EPHX2: variants seen among roughly 807,000 people sequenced by gnomAD.
The protein encoded by EPHX2 is epoxide hydrolase 2, also known as bifunctional epoxide hydrolase 2.
A neutral mutation model predicts 78.7 loss-of-function variants in EPHX2; 74 were observed. That is an observed-to-expected ratio of 0.94 (90% CI 0.78 to 1.14). The LOEUF is 1.14. Ranked by LOEUF, EPHX2 falls within the 50% of genes most tolerant of loss-of-function variation. EPHX2 has a pLI of 0.00. For missense variants in EPHX2, 715 were observed against 702.5 expected, an observed-to-expected ratio of 1.02 and a Z score of -0.20; for synonymous variants, 251 against 255.2, an observed-to-expected ratio of 0.98 and a Z score of 0.16.
At chr8:27,510,082 C>T (rs1026738463) in intron 5 of EPHX2, among the ~76,000 whole-genome samples, 1 of 152,216 alleles carries the variant, frequency 6.6e-6, no homozygotes, top group African/African-American at 2.4e-5. Context: ...CTGTCTTCTC[C>T]AGATGCCATG....
At chr8:27,516,869 A>G (rs745577954) in intron 8 of EPHX2, among the ~76,000 whole-genome samples, 2 of 151,338 alleles carry the variant, frequency 1.3e-5, no homozygotes, top group Non-Finnish European at 2.9e-5. Context: ...ACTTAGCATA[A>G]TGTCCTGAAG....
intron 1 of EPHX2, among the ~76,000 whole-genome samples, chr8:27,495,966 C>T (rs964688606): frequency 6.6e-6 from 1 of 152,140 alleles, no homozygotes; most frequent in African/African-American, 2.4e-5. Context: ...TCTGGGTCTC[C>T]TTGATTAGAG....
At chr8:27,515,155 G>C (rs2132743664) in intron 6 of EPHX2, among the ~76,000 whole-genome samples, 1 of 152,176 alleles carries the variant, frequency 6.6e-6, no homozygotes, top group East Asian at 1.9e-4. Context: ...GAAGTGCTGT[G>C]GCAGGGAACT....
intron 12 of EPHX2, among the ~76,000 whole-genome samples, chr8:27,527,309 A>G (rs1814880741): frequency 6.6e-6 from 1 of 151,964 alleles, no homozygotes; most frequent in Non-Finnish European, 1.5e-5. Context: ...GGTGATCCAC[A>G]TGCCTCGGCC....
At chr8:27,512,100 G>GAAAAA in intron 6 of EPHX2, 190 bp downstream of exon 6, 3 of 136,006 alleles carry the variant, frequency 2.2e-5, no homozygotes, top group South Asian at 2.4e-4. Context: ...CCTGTCTCAA[G>GAAAAA]AAAAAAAAAA....
intron 16 of EPHX2, among the ~76,000 whole-genome samples, chr8:27,542,287 C>T (rs1410986950): frequency 2.0e-5 from 3 of 152,110 alleles, no homozygotes; most frequent in African/African-American, 4.8e-5. Flanking sequence ...TATATAACAT[C>T]GTGGTTAAGA....
At chr8:27,504,827 T>C in intron 3 of EPHX2, 129 bp from the exon 4 acceptor site, 1 of 896,190 alleles carries the variant, frequency 1.1e-6, no homozygotes. Flanking sequence ...CAGTTGAAAG[T>C]TGGGCATAAG....
chr8:27,521,290 A>G (rs1395907095), intron 10 of EPHX2, among the ~76,000 whole-genome samples: 2 of 152,228 alleles, frequency 1.3e-5, no homozygotes, highest in Admixed American at 1.3e-4. Flanking sequence ...TGACATTGTC[A>G]TGAATGTCAA....
intron 12 of EPHX2, among the ~76,000 whole-genome samples, chr8:27,526,693 C>T (rs558238423): frequency 6.6e-6 from 1 of 152,242 alleles, no homozygotes; most frequent in African/African-American, 2.4e-5. Context: ...TGAGGCCTCT[C>T]TCCTTGGCTT....
At chr8:27,507,571 G>A (rs986041044) in intron 5 of EPHX2, among the ~76,000 whole-genome samples, 1 of 152,184 alleles carries the variant, frequency 6.6e-6, no homozygotes, top group Non-Finnish European at 1.5e-5. Context: ...CAGAAGTGCA[G>A]CACCCTCATC....
rs745587412 is a variant in EPHX2, at chr8:27,544,237, A to G, written c.1582A>G (p.Met528Val). ...TGAGGACTGTGGGCACTGGACACAG[A>G]TGGACAAGTAAGGAGGTTGGGGGCT... is the stretch of plus-strand genomic sequence containing the variant. ...HIEDCGHWTQ[M>V]DKPTEVNQIL... The change falls in exon 18 of 19, where the codon ATG becomes GTG. Residue 528 changes from methionine (M) to valine (V), a missense_variant. Physicochemically the swap from Met to Val is conservative, Grantham distance 21. Transcript: ENST00000521400. The G allele has an allele frequency of 4.3e-6, 7 of 1,614,032 alleles. No individual in the cohort carries two copies. Among genetic ancestry groups the G allele is most frequent in the Middle Eastern group, 1.6e-4 (1 of 6,084 alleles).
intron 16 of EPHX2, 143 bp downstream of exon 16, chr8:27,541,685 A>G: frequency 1.2e-6 from 1 of 809,036 alleles, no homozygotes; most frequent in South Asian, 1.6e-5. Flanking sequence ...GGGGTTTGGG[A>G]AGTGACTCCC....
intron 9 of EPHX2, 73 bp from the exon 10 acceptor site, chr8:27,520,810 G>T: frequency 6.3e-7 from 1 of 1,590,552 alleles, no homozygotes; most frequent in Non-Finnish European, 8.6e-7. Flanking sequence ...GGAGGACGCA[G>T]TTCAGCCCAT....
At position 27,540,585 on chromosome 8, in the gene EPHX2, C is replaced by T; in HGVS notation, c.1308C>T (p.Pro436=). 1 of 1,614,160 alleles carries T rather than the reference C, an allele frequency of 6.2e-7. No homozygotes were observed. The highest frequency in any genetic ancestry group is 8.5e-7 in the Non-Finnish European group (1 of 1,180,016). The change falls in exon 15 of 19, where the codon CCC becomes CCT. Residue 436 remains proline, a synonymous_variant. Coordinates refer to ENST00000521400, the MANE Select transcript of EPHX2 (RefSeq NM_001979.6). ...TTTTTGTAAATAGCCCAGAAGAGCC[C>T]AGCCTCAGCAGGATGGTCACTGAGG... ...GGLFVNSPEE[P]SLSRMVTEEE... is the part of the protein sequence containing the mutation.
chr8:27,522,151 G>A (rs901932502), intron 10 of EPHX2, among the ~76,000 whole-genome samples: 2 of 151,912 alleles, frequency 1.3e-5, no homozygotes, highest in African/African-American at 2.4e-5. Context: ...AGAAAAGAAC[G>A]AAAGAAAATT....
At position 27,515,825 on chromosome 8, in the gene EPHX2, G is replaced by A. The variant is rs2132745210; in HGVS notation, c.831+12G>A. ...CTTGGAGGTACCAGGTGAGAAAGCT[G>A]GGGAAGATGCAGCCAGTCAGGGTGA... On this transcript the variant is annotated intron_variant, in intron 7 of 18. Coordinates refer to ENST00000521400, the MANE Select transcript of EPHX2 (RefSeq NM_001979.6). 1 of 1,611,504 alleles carries A rather than the reference G, an allele frequency of 6.2e-7. No homozygotes were observed. The highest frequency in any genetic ancestry group is 8.5e-7 in the Non-Finnish European group (1 of 1,177,968).
chr8:27,535,811 A>C (rs962366229), intron 12 of EPHX2, among the ~76,000 whole-genome samples: 1 of 152,098 alleles, frequency 6.6e-6, no homozygotes, highest in Admixed American at 6.5e-5. Flanking sequence ...CTCCAGTAGG[A>C]ATCTCCTCCC....
chr8:27,499,277 A>G (rs1335679995), intron 1 of EPHX2, among the ~76,000 whole-genome samples: 1 of 152,228 alleles, frequency 6.6e-6, no homozygotes, highest in Non-Finnish European at 1.5e-5. Flanking sequence ...AAATTTCAAC[A>G]TGAGCTTCAG....
chr8:27,529,048 G>A (rs1034376631), intron 12 of EPHX2, among the ~76,000 whole-genome samples: 6 of 152,052 alleles, frequency 3.9e-5, no homozygotes, highest in East Asian at 1.9e-4. Context: ...CATCCTCCTC[G>A]GCTTCCCAAA....
Sources: gnomAD v4.1 joint callset for allele counts (sites outside exome capture counted in the v4.1 genomes callset) on GRCh38, gnomAD v4.1.1 for gene constraint, MANE v1.5 for transcripts, NCBI Gene and HGNC (gene_info 2026-07-23, HGNC 2026-07-21) for gene names.